The following SPATA13 variants were observed in gnomAD, a reference collection of about 807,000 sequenced individuals.
SPATA13 encodes spermatogenesis associated 13, also known as spermatogenesis-associated protein 13.
SPATA13 carries 50 observed loss-of-function variants against 104.0 expected under a neutral mutation model. The observed-to-expected ratio is 0.48, with a 90% CI of 0.38 to 0.61. The LOEUF (loss-of-function observed/expected upper bound fraction) is 0.61. Ranked by LOEUF, SPATA13 falls within the 20% of genes least tolerant of loss-of-function variation. The pLI, the probability that SPATA13 is intolerant of heterozygous loss-of-function variation, is 0.00. For missense variants in SPATA13, 1,524 were observed against 1,690.6 expected (o/e 0.90, Z 1.73); for synonymous variants, 606 against 667.5 (o/e 0.91, Z 1.42).
intron 2 of SPATA13, among the ~76,000 whole-genome samples, chr13:24,000,681 AGAAAGGGAATTCAG>A (rs1875920085): frequency 6.6e-6 from 1 of 152,050 alleles, no homozygotes; most frequent in Non-Finnish European, 1.5e-5. Context: ...CTTGTGTTCA[AGAAAGGGAATTCAG>A]GAAAGCCTTG....
At chr13:24,249,938 C>T (rs2138661167) in intron 3 of SPATA13, 96 bp downstream of exon 3, 2 of 1,481,856 alleles carry the variant, frequency 1.3e-6, no homozygotes, top group Non-Finnish European at 9.0e-7. Context: ...CTTTTTCTCT[C>T]CCGTTCTCAA....
chr13:24,288,057 C>T (rs765280037), intron 7 of SPATA13, among the ~76,000 whole-genome samples: 1 of 152,108 alleles, frequency 6.6e-6, no homozygotes, highest in Non-Finnish European at 1.5e-5. Flanking sequence ...GAGTGTGTGG[C>T]GAAAGAAGCA....
chr13:24,279,274 G>A (rs1875303667), intron 4 of SPATA13, among the ~76,000 whole-genome samples: 1 of 152,180 alleles, frequency 6.6e-6, no homozygotes, highest in Non-Finnish European at 1.5e-5. Context: ...CCCTGGGCAA[G>A]GAGTGCCTGC....
chr13:24,176,323 A>G (rs1868434179), intron 1 of SPATA13, among the ~76,000 whole-genome samples: 1 of 151,776 alleles, frequency 6.6e-6, no homozygotes, highest in Admixed American at 6.6e-5. Context: ...TGTTTTGTAA[A>G]CACCCCATTA....
chr13:24,001,657 G>C (rs1037893534), intron 2 of SPATA13, among the ~76,000 whole-genome samples: 1 of 152,108 alleles, frequency 6.6e-6, no homozygotes, highest in Non-Finnish European at 1.5e-5. Context: ...AGTGACTTGG[G>C]TGGGAAGCAG....
At chr13:23,982,610 C>T (rs917971769) in intron 1 of SPATA13, among the ~76,000 whole-genome samples, 4 of 151,956 alleles carry the variant, frequency 2.6e-5, no homozygotes, top group Non-Finnish European at 5.9e-5. Flanking sequence ...TAGGGAGTAC[C>T]TATTTCATAG....
At chr13:24,291,870 C>G (rs1306311689) in intron 9 of SPATA13, among the ~76,000 whole-genome samples, 1 of 151,284 alleles carries the variant, frequency 6.6e-6, no homozygotes. Flanking sequence ...CATTCTCCTG[C>G]CTCAGCCTCC....
chr13:24,014,091 G>C (rs899544194), intron 2 of SPATA13, among the ~76,000 whole-genome samples: 2 of 152,180 alleles, frequency 1.3e-5, no homozygotes, highest in East Asian at 1.9e-4. Context: ...TTGCCTCGCT[G>C]TCCTGGAGGC....
At chr13:24,126,854 T>G (rs778538067) in intron 3 of SPATA13, among the ~76,000 whole-genome samples, 9 of 152,204 alleles carry the variant, frequency 5.9e-5, no homozygotes, top group Non-Finnish European at 1.2e-4. Flanking sequence ...GCCACTGCAC[T>G]CAGTCCATTA....
rs552623416 is a variant in SPATA13, at chr13:24,295,738, T to A, written c.3210+870T>A. Among the ~76,000 whole-genome samples, 15 of 152,206 alleles carry A rather than the reference T, an allele frequency of 9.9e-5. No homozygotes were observed. In the East Asian group the frequency reaches 2.5e-3, roughly 25 times the overall value. On this transcript the variant is annotated intron_variant, in intron 10 of 12. Coordinates refer to ENST00000382108, the MANE Select transcript of SPATA13 (RefSeq NM_001166271.3). ...ACAGTGACAATAGCACCTGTATGTG[T>A]TTACCACATGTCTGAATGGCACTGA... is the stretch of plus-strand genomic sequence containing the variant.
chr13:24,159,669 A>G (rs1882386093), upstream of SPATA13, among the ~76,000 whole-genome samples: 1 of 152,246 alleles, frequency 6.6e-6, no homozygotes, highest in Non-Finnish European at 1.5e-5. Flanking sequence ...GCATAATGAC[A>G]TGAAGCCACC....
chr13:24,120,321 C>T (rs1306123781), intron 3 of SPATA13, among the ~76,000 whole-genome samples: 6 of 152,230 alleles, frequency 3.9e-5, no homozygotes, highest in South Asian at 2.1e-4. Flanking sequence ...GCCAAGCAGA[C>T]GCTCTGGGCA....
intron 2 of SPATA13, among the ~76,000 whole-genome samples, chr13:24,001,337 G>T (rs950826807): frequency 6.6e-6 from 1 of 152,140 alleles, no homozygotes; most frequent in Non-Finnish European, 1.5e-5. Flanking sequence ...AATGTGTCTC[G>T]TGGGAAGGCT....
chr13:24,099,120 T>C (rs1054168681), intron 3 of SPATA13, among the ~76,000 whole-genome samples: 3 of 152,098 alleles, frequency 2.0e-5, no homozygotes, highest in African/African-American at 7.2e-5. Context: ...CTTTAAAAAC[T>C]AAATGGTCAT....
intron 3 of SPATA13, among the ~76,000 whole-genome samples, chr13:24,021,647 A>G (rs181948821): frequency 5.3e-5 from 8 of 152,288 alleles, no homozygotes; most frequent in Admixed American, 5.2e-4. Flanking sequence ...GTGACTGTAT[A>G]CGCCGTGCAT....
intron 5 of SPATA13, among the ~76,000 whole-genome samples, chr13:24,285,668 C>A (rs1875881086): frequency 6.7e-6 from 1 of 150,120 alleles, no homozygotes; most frequent in African/African-American, 2.4e-5. Context: ...AGACATGTGC[C>A]ACCACATCTG....
intron 2 of SPATA13, among the ~76,000 whole-genome samples, chr13:23,988,501 C>A (rs1219405473): frequency 6.6e-6 from 1 of 152,180 alleles, no homozygotes; most frequent in Non-Finnish European, 1.5e-5. Flanking sequence ...CATGTGCAAG[C>A]ATGTTGGTCA....
intron 2 of SPATA13, among the ~76,000 whole-genome samples, chr13:23,995,264 C>T (rs1875624885): frequency 6.6e-6 from 1 of 152,090 alleles, no homozygotes. Flanking sequence ...CCTAGAAAGA[C>T]AAAGGTGTGA....
At chr13:24,052,401 A>G (rs1375872103) in intron 3 of SPATA13, among the ~76,000 whole-genome samples, 2 of 151,908 alleles carry the variant, frequency 1.3e-5, no homozygotes, top group Non-Finnish European at 2.9e-5. Flanking sequence ...ACAACAAACT[A>G]TTATTTAAAA....
Sources: gnomAD v4.1 joint callset for allele counts (sites outside exome capture counted in the v4.1 genomes callset) on GRCh38, gnomAD v4.1.1 for gene constraint, MANE v1.5 for transcripts, NCBI Gene and HGNC (gene_info 2026-07-23, HGNC 2026-07-21) for gene names.